Variants in RABL3 observed in about 807,000 individuals in gnomAD.
RABL3 encodes RAB, member of RAS oncogene family like 3, also known as rab-like protein 3.
In RABL3, 31 loss-of-function variants were observed where a neutral mutation model predicts 31.8. The ratio of observed to expected loss-of-function variants is 0.97; its 90% confidence interval spans 0.73 to 1.31. The LOEUF (loss-of-function observed/expected upper bound fraction) is 1.31. RABL3 is among the 40% of genes most tolerant of loss of function. The pLI is 0.00. For missense variants in RABL3, 263 were observed against 279.6 expected (o/e 0.94, Z 0.42); for synonymous variants, 97 against 99.9 (o/e 0.97, Z 0.18).
intron 5 of RABL3, among the ~76,000 whole-genome samples, chr3:120,695,436 G>A (rs1708426531): frequency 6.6e-6 from 1 of 151,982 alleles, no homozygotes; most frequent in Non-Finnish European, 1.5e-5. Flanking sequence ...TTAAATTTGG[G>A]CTTACTGATT....
At chr3:120,713,202 GC>G (rs1474326783) in intron 2 of RABL3, among the ~76,000 whole-genome samples, 1 of 152,158 alleles carries the variant, frequency 6.6e-6, no homozygotes, top group African/African-American at 2.4e-5. Context: ...ATACTCCCAA[GC>G]CAGACTGACT....
chr3:120,690,599 CA>C (rs1458625245), intron 6 of RABL3, 112 bp from the exon 7 acceptor site: 4 of 716,390 alleles, frequency 5.6e-6, no homozygotes, highest in Admixed American at 4.9e-5. Flanking sequence ...GAATCTTTTC[CA>C]TAGCAGTAGA....
At chr3:120,719,034 C>A (rs116407808) in intron 2 of RABL3, among the ~76,000 whole-genome samples, 1 of 152,134 alleles carries the variant, frequency 6.6e-6, no homozygotes, top group Admixed American at 6.6e-5. Context: ...GATTATAATA[C>A]TTATTCCTTA....
At chr3:120,727,612 G>GAAAA (rs1708837693) in intron 2 of RABL3, among the ~76,000 whole-genome samples, 1 of 152,030 alleles carries the variant, frequency 6.6e-6, no homozygotes, top group Admixed American at 6.6e-5. Flanking sequence ...GTTAGCATAA[G>GAAAA]CCTGATAGAA....
intron 1 of RABL3, among the ~76,000 whole-genome samples, chr3:120,734,646 T>G (rs986644116): frequency 6.6e-6 from 1 of 152,186 alleles, no homozygotes; most frequent in Admixed American, 6.5e-5. Flanking sequence ...ATGCTTCCAG[T>G]TTTTGCCCAT....
rs1383488682 is a variant in RABL3 at position 120,686,076 on chromosome 3, G to A, written c.*3747C>T. On this transcript the variant is annotated 3_prime_UTR_variant, in exon 8 of 8. Coordinates refer to ENST00000273375, the MANE Select transcript of RABL3 (RefSeq NM_173825.5). ...ACCCTAACATCAGATATTTTGTGTA[G>A]GCAAACATGTTGTGAAATATTTGAG... Among the ~76,000 whole-genome samples the A allele has an allele frequency of 1.3e-5, 2 of 152,126 alleles. No homozygotes were observed. Among genetic ancestry groups the A allele is most frequent in the Non-Finnish European group, 2.9e-5 (2 of 68,020 alleles).
chr3:120,732,636 C>T (rs763612990), intron 1 of RABL3, among the ~76,000 whole-genome samples: 61 of 152,016 alleles, frequency 4.0e-4, no homozygotes, highest in Non-Finnish European at 5.3e-4. Flanking sequence ...CATATGTATA[C>T]ATGCACCATG....
chr3:120,742,664 T>TAA (rs1709063335), upstream of RABL3: 1 of 720,866 alleles, frequency 1.4e-6, no homozygotes, highest in East Asian at 2.7e-5. Flanking sequence ...TGGTAAAAGG[T>TAA]AGCGGGGTGC....
At chr3:120,701,038 C>T (rs1708486741) in intron 4 of RABL3, among the ~76,000 whole-genome samples, 1 of 152,072 alleles carries the variant, frequency 6.6e-6, no homozygotes, top group African/African-American at 2.4e-5. Flanking sequence ...TCTCCCCTGG[C>T]CCCCTATAGG....
intron 4 of RABL3, 85 bp downstream of exon 4, chr3:120,705,915 A>C: frequency 1.2e-6 from 1 of 841,108 alleles, no homozygotes; most frequent in Non-Finnish European, 2.0e-6. Context: ...ATCTTTGCAA[A>C]TCAAACATTT....
At position 120,708,994 on chromosome 3, in the gene RABL3, T is replaced by C. The variant is rs549860782; in HGVS notation, c.268+786A>G. ...GAATAAATGCAATGCTTACCTAATA[T>C]TGAGTGAGATCTAAGCACAGCATAA... On this transcript the variant is annotated intron_variant, in intron 3 of 7. Coordinates refer to ENST00000273375, the MANE Select transcript of RABL3 (RefSeq NM_173825.5). 4.4e-4 allele frequency among the ~76,000 whole-genome samples: 67 copies of C among 152,082 alleles called. 1 individual carries two copies. The South Asian group carries it at 0.013, about 29-fold the overall frequency.
intron 2 of RABL3, among the ~76,000 whole-genome samples, chr3:120,714,433 A>T (rs748096808): frequency 6.6e-6 from 1 of 152,198 alleles, no homozygotes; most frequent in Non-Finnish European, 1.5e-5. Flanking sequence ...AAATGAACAA[A>T]TGAATAGTGT....
chr3:120,724,162 A>G (rs1708786244), intron 2 of RABL3, among the ~76,000 whole-genome samples: 1 of 152,218 alleles, frequency 6.6e-6, no homozygotes, highest in African/African-American at 2.4e-5. Flanking sequence ...ATAACAGACA[A>G]AAAGAGAGCC....
chr3:120,689,817 T>TCTC lies in RABL3; in HGVS notation c.*5_*6insGAG. On this transcript the variant is annotated 3_prime_UTR_variant, in exon 8 of 8. Coordinates refer to ENST00000273375, the MANE Select transcript of RABL3 (RefSeq NM_173825.5). Reference sequence around the variant, plus strand: ...CTTGCTCACTCTTCCAAAGGATGAGTGTAATTCAGTCATAATGAAGGCTCT... The same window carrying TCTC: ...CTTGCTCACTCTTCCAAAGGATGAGTCTCGTAATTCAGTCATAATGAAGGCTCT... 1 of 1,602,798 alleles carries TCTC rather than the reference T, an allele frequency of 6.2e-7. No individual in the cohort carries two copies. The highest frequency in any genetic ancestry group is 8.5e-7 in the Non-Finnish European group (1 of 1,170,060).
intron 4 of RABL3, among the ~76,000 whole-genome samples, chr3:120,703,872 A>G (rs1708520894): frequency 6.6e-6 from 1 of 152,186 alleles, no homozygotes; most frequent in Non-Finnish European, 1.5e-5. Context: ...GAAATAAATA[A>G]CTTGAACAAT....
Position 120,706,054 on chromosome 3 carries a change from G to C in RABL3, c.329C>G (p.Ser110Ter), listed in dbSNP as rs1482289703. The change falls in exon 4 of 8, where the codon TCA (serine) becomes TGA (stop). Residue 110 changes from serine to a stop codon, truncating the protein, a stop_gained. Coordinates refer to ENST00000273375, the MANE Select transcript of RABL3 (RefSeq NM_173825.5). LOFTEE classifies it high-confidence loss of function. ...CAAATCCCTGTTGAGAGCTTCCAAT[G>C]ACCAACGACGCAAGTTTTGGGAGGA... ...KKSSQNLRRW[S>*]LEALNRDLVP... 3 of 1,613,930 alleles carry C rather than the reference G, an allele frequency of 1.9e-6. No individual in the cohort carries two copies. In the East Asian group the frequency reaches 6.7e-5, roughly 36 times the overall value.
At chr3:120,719,374 C>T (rs1708708524) in intron 2 of RABL3, among the ~76,000 whole-genome samples, 1 of 152,166 alleles carries the variant, frequency 6.6e-6, no homozygotes, top group African/African-American at 2.4e-5. Context: ...GCACAGCGCA[C>T]CGAGTGTGAG....
At chr3:120,711,851 C>A (rs1336653000) in intron 2 of RABL3, among the ~76,000 whole-genome samples, 2 of 151,998 alleles carry the variant, frequency 1.3e-5, no homozygotes, top group African/African-American at 4.8e-5. Flanking sequence ...TGCTGTAATC[C>A]CCTCGTTAAG....
At chr3:120,715,039 C>T (rs1708652214) in intron 2 of RABL3, among the ~76,000 whole-genome samples, 1 of 152,160 alleles carries the variant, frequency 6.6e-6, no homozygotes, top group Non-Finnish European at 1.5e-5. Flanking sequence ...CTCCTTTCAC[C>T]ATGTCCAGAA....
Sources: allele counts gnomAD v4.1 joint callset (sites outside exome capture counted in the v4.1 genomes callset), GRCh38; gene constraint gnomAD v4.1.1; transcripts MANE v1.5; gene names NCBI Gene and HGNC (gene_info 2026-07-23, HGNC 2026-07-21).